MAX: variants seen among roughly 807,000 people sequenced by gnomAD.
MAX encodes protein max.
MAX carries 3 observed loss-of-function variants against 22.3 expected under a neutral mutation model. That is an observed-to-expected ratio of 0.13 (90% confidence interval 0.06 to 0.35). MAX has a LOEUF of 0.35. Ranked by LOEUF, MAX falls within the 10% of genes least tolerant of loss-of-function variation. MAX has a pLI of 1.00. For synonymous variants in MAX, 72 were observed against 77.7 expected, an observed-to-expected ratio of 0.93 and a Z score of 0.39; for missense variants, 119 against 209.4, an observed-to-expected ratio of 0.57 and a Z score of 2.66.
intron 3 of MAX, among the ~76,000 whole-genome samples, chr14:65,053,625 T>TAAAAAAAAAAAAAAA (rs201558638): frequency 2.5e-4 from 37 of 146,258 alleles, no homozygotes; most frequent in Admixed American, 6.7e-4. Flanking sequence ...CTTCTTTTTT[T>TAAAAAAAAAAAAAAA]TAAAAAAAAC....
At chr14:65,055,789 T>A (rs890596515) in intron 3 of MAX, among the ~76,000 whole-genome samples, 1 of 152,226 alleles carries the variant, frequency 6.6e-6, no homozygotes, top group Non-Finnish European at 1.5e-5. Flanking sequence ...GGTGCCAGGA[T>A]TACATGTGTG....
At chr14:65,101,720 C>T in intron 1 of MAX, 148 bp from the exon 2 acceptor site, 3 of 671,374 alleles carry the variant, frequency 4.5e-6, no homozygotes, top group Admixed American at 2.6e-5. Flanking sequence ...CACCCCTTGC[C>T]CCCACCCTTC....
Position 65,084,140 on chromosome 14 carries a change from G to A in MAX, c.172-6104C>T, listed in dbSNP as rs1302937928. The stretch of plus-strand genomic sequence containing the variant: ...CCCTCAAGCAGCTTAATTAAAGCCA[G>A]GAGTAAGACATTTGTGTAAGGGGTC... On this transcript the variant is annotated intron_variant, in intron 3 of 4. Coordinates refer to ENST00000358664, the MANE Select transcript of MAX (RefSeq NM_002382.5). The surrounding 1 kb of genome is among the most constrained non-coding windows in gnomAD (Gnocchi z 4.3). 26 of 1,610,872 alleles carry A rather than the reference G, an allele frequency of 1.6e-5. No individual in the cohort carries two copies. The highest frequency in any genetic ancestry group is 1.6e-4 in the Middle Eastern group (1 of 6,072).
intron 3 of MAX, chr14:65,006,387 A>T: frequency 1.3e-6 from 2 of 1,517,564 alleles, no homozygotes; most frequent in East Asian, 2.3e-5. Flanking sequence ...CCTCAATAAA[A>T]TGAATTATTC....
At chr14:65,085,436 A>C (rs567001132) in intron 3 of MAX, among the ~76,000 whole-genome samples, 2 of 152,340 alleles carry the variant, frequency 1.3e-5, no homozygotes, top group African/African-American at 4.8e-5. Context: ...CCTAGTAATC[A>C]ATCTCTATCC....
rs1460915221 is a variant in MAX at position 65,011,714 on chromosome 14, C to T, written c.172-5430G>A. Among the ~76,000 whole-genome samples, 2 of 152,204 alleles carry T rather than the reference C, an allele frequency of 1.3e-5. No individual in the cohort carries two copies. Among genetic ancestry groups the T allele is most frequent in the African/African-American group, 2.4e-5 (1 of 41,448 alleles). On this transcript the variant is annotated intron_variant, in intron 3 of 3. Coordinates refer to the MAX transcript ENST00000341653. The surrounding 1 kb of genome is among the most constrained non-coding windows in gnomAD (Gnocchi z 4.0). ...TGGGCGGCACATTCCATCTTAAAGC[C>T]AGTATTGCTGACTTGAAAGCCAAGG...
intron 3 of MAX, among the ~76,000 whole-genome samples, chr14:65,050,333 C>T (rs1374969877): frequency 2.0e-5 from 3 of 152,192 alleles, no homozygotes; most frequent in East Asian, 1.9e-4. Context: ...TGGTGGCTCA[C>T]GCCTGTAATC....
chr14:65,008,182 C>T (rs2061625773), intron 3 of MAX, among the ~76,000 whole-genome samples: 1 of 152,210 alleles, frequency 6.6e-6, no homozygotes, highest in Non-Finnish European at 1.5e-5. Flanking sequence ...ACTAGAGAGG[C>T]CCCTGGCTTT....
chr14:65,052,035 T>TCAACCCC (rs1328072908), intron 3 of MAX, among the ~76,000 whole-genome samples: 6 of 152,142 alleles, frequency 3.9e-5, no homozygotes. Context: ...GACCTCGTGA[T>TCAACCCC]CAACCCCCCT....
At position 65,040,766 on chromosome 14, in the gene MAX, C is replaced by G. The variant is rs761322343; in HGVS notation, c.172-34482G>C. On this transcript the variant is annotated intron_variant, in intron 3 of 3. Transcript: ENST00000341653. ...TACGTCCACTCACTGGCCACTCATT[C>G]TGCTTTTCTCAATCTCTTCTTAGGT... 2.5e-6 allele frequency: 4 copies of G among 1,607,912 alleles called. No homozygotes were observed. The African/African-American group carries it at 4.0e-5, about 16-fold the overall frequency.
intron 3 of MAX, among the ~76,000 whole-genome samples, chr14:65,015,264 A>G (rs1462408329): frequency 6.6e-6 from 1 of 151,864 alleles, no homozygotes; most frequent in African/African-American, 2.4e-5. Context: ...CACTATGCCC[A>G]GCTAATTTTT....
chr14:65,019,981 A>G (rs72728245), intron 3 of MAX, among the ~76,000 whole-genome samples: 13,657 of 152,264 alleles, frequency 0.09, 857 homozygotes, highest in Admixed American at 0.16. Context: ...TTCTTCATAC[A>G]AATATATTAA....
chr14:65,015,767 G>C (rs368877720), intron 3 of MAX: 2 of 1,586,554 alleles, frequency 1.3e-6, no homozygotes, highest in South Asian at 1.1e-5. Context: ...TGTATTTTGA[G>C]TTTGGGATTT....
rs1049707101 is a variant in MAX at position 65,014,966 on chromosome 14, A to G, written c.172-8682T>C. ...AGAGAATGTATATCTCCTTGGTTCTATACCGAGAAAATAGCAGCCCCTAAC... is the reference window on the plus strand; with the variant it reads ...AGAGAATGTATATCTCCTTGGTTCTGTACCGAGAAAATAGCAGCCCCTAAC... On this transcript the variant is annotated intron_variant, in intron 3 of 3. Coordinates refer to the MAX transcript ENST00000341653. The surrounding 1 kb of genome is among the most constrained non-coding windows in gnomAD (Gnocchi z 5.1). Among the ~76,000 whole-genome samples, 1 of 152,140 alleles carries G rather than the reference A, an allele frequency of 6.6e-6. No individual in the cohort carries two copies. The highest frequency in any genetic ancestry group is 2.4e-5 in the African/African-American group (1 of 41,444).
chr14:65,008,611 G>A (rs2061632706), intron 3 of MAX, among the ~76,000 whole-genome samples: 1 of 152,258 alleles, frequency 6.6e-6, no homozygotes, highest in South Asian at 2.1e-4. Context: ...GAATCTGTAG[G>A]TGGAATAGGG....
At chr14:65,099,736 A>G (rs564583077) in intron 2 of MAX, among the ~76,000 whole-genome samples, 2 of 152,330 alleles carry the variant, frequency 1.3e-5, no homozygotes, top group African/African-American at 4.8e-5. Context: ...GGCCCCAAAC[A>G]TGAAGGATAA....
At chr14:65,051,226 T>C (rs1566575342) in intron 3 of MAX, among the ~76,000 whole-genome samples, 1 of 152,214 alleles carries the variant, frequency 6.6e-6, no homozygotes, top group Non-Finnish European at 1.5e-5. Flanking sequence ...CTGGCCACTG[T>C]CCCTCACCTA....
At chr14:65,086,813 C>T (rs1305834974) in intron 3 of MAX, among the ~76,000 whole-genome samples, 1 of 152,138 alleles carries the variant, frequency 6.6e-6, no homozygotes, top group South Asian at 2.1e-4. Context: ...AATGAGAAGC[C>T]GAATGTTAAT....
At chr14:65,043,828 C>CAAAAA (rs749243788) in intron 3 of MAX, among the ~76,000 whole-genome samples, 999 of 64,226 alleles carry the variant, frequency 0.016, 6 homozygotes, top group Middle Eastern at 0.023. Context: ...GACTCCGTCT[C>CAAAAA]AAAAAAAAAA....
Sources: gnomAD v4.1 joint callset for allele counts (sites outside exome capture counted in the v4.1 genomes callset) on GRCh38, gnomAD v4.1.1 for gene constraint, Gnocchi (gnomAD v3.1) non-coding constraint, MANE v1.5 for transcripts, NCBI Gene and HGNC (gene_info 2026-07-23, HGNC 2026-07-21) for gene names.